The following RBSN variants were observed in gnomAD, a reference collection of about 807,000 sequenced individuals.
RBSN encodes rabenosyn, RAB effector.
Under a neutral mutation model 60.5 loss-of-function variants are expected in RBSN, and 34 were observed. The ratio of observed to expected loss-of-function variants is 0.56; its 90% CI spans 0.43 to 0.75. The LOEUF is 0.75. Among genes scored for constraint, RBSN ranks in the 30% least tolerant of loss-of-function variants. RBSN has a pLI of 0.00. For synonymous variants in RBSN, 322 were observed against 366.9 expected (o/e 0.88, Z 1.40); for missense variants, 845 against 986.8 (o/e 0.86, Z 1.92).
Position 15,086,014 on chromosome 3 carries a change from C to G in RBSN, c.290-53G>C, listed in dbSNP as rs1260869239. The G allele has an allele frequency of 7.6e-6, 11 of 1,452,270 alleles. 1 individual carries two copies. The African/African-American group carries it at 1.7e-4, about 22-fold the overall frequency. 90.0% of individuals were successfully genotyped at this position (1,452,270 alleles called of 1,614,324 possible). A position where few individuals can be genotyped will look rare whatever the true frequency, so the allele number is the denominator to read the frequency against. ...ATGACTTATAGTTTCTCTGAGGGAG[C>G]CTAGTCTCTACCTTGCCTCTTATCC... is the stretch of plus-strand genomic sequence containing the variant. On this transcript the variant is annotated intron_variant, in intron 5 of 13. Coordinates refer to ENST00000253699, the MANE Select transcript of RBSN (RefSeq NM_022340.4).
In RBSN at chr3:15,074,136, C is replaced by T. The variant is rs977022283; in HGVS notation, c.2001G>A (p.Glu667=). Residue 667 remains glutamate, a synonymous_variant, in exon 14 of 14, where the codon GAG becomes GAA. Coordinates refer to ENST00000253699, the MANE Select transcript of RBSN (RefSeq NM_022340.4). This position sits in a 1 kb window ranked among gnomAD's most constrained non-coding sequence, Gnocchi z 6.4. Reference sequence around the variant, plus strand: ...CTGCCACTGCTTCCTCCTCCTCGTCCTCTTCCTCGAAAGGATTGTACTCTT... The same window carrying T: ...CTGCCACTGCTTCCTCCTCCTCGTCTTCTTCCTCGAAAGGATTGTACTCTT... ...ILKEYNPFEE[E]DEEEEAVAGN... 18 of 1,613,982 alleles carry T rather than the reference C, an allele frequency of 1.1e-5. No individual in the cohort carries two copies. The highest frequency in any genetic ancestry group is 1.4e-5 in the Non-Finnish European group (17 of 1,180,010).
intron 9 of RBSN, among the ~76,000 whole-genome samples, chr3:15,081,892 C>G (rs1245131164): frequency 6.6e-6 from 1 of 152,196 alleles, no homozygotes; most frequent in African/African-American, 2.4e-5. Context: ...CAAGTAACGA[C>G]AGCTGAGGCA....
In RBSN at chr3:15,082,498, C is replaced by A; in HGVS notation, c.709G>T (p.Val237Phe). ...TCCTTCTCATCCAGGACCGAGCTGA[C>A]ACTGCTCATGCTGCTGATGCTGCCT... ...RRGSISSMSS[V>F]SSVLDEKDDD... The change falls in exon 9 of 14, where the codon GTC becomes TTC. Residue 237 changes from valine to phenylalanine, a missense_variant. Coordinates refer to ENST00000253699, the MANE Select transcript of RBSN (RefSeq NM_022340.4). The surrounding 1 kb of genome is among the most constrained non-coding windows in gnomAD (Gnocchi z 4.2). 1 of 1,614,202 alleles carries A rather than the reference C, an allele frequency of 6.2e-7. No individual in the cohort carries two copies. Among genetic ancestry groups the A allele is most frequent in the Non-Finnish European group, 8.5e-7 (1 of 1,180,034 alleles).
rs771386584 is a variant in RBSN, at chr3:15,084,971, G to A, written c.436+29C>T. ...TTGGTCAGGGAAAAAAAGATAATAA[G>A]ATGAATGTGAGCAAAGTTTTAAAGT... is the stretch of plus-strand genomic sequence containing the variant. On this transcript the variant is annotated intron_variant, in intron 7 of 13. Coordinates refer to ENST00000253699, the MANE Select transcript of RBSN (RefSeq NM_022340.4). This position sits in a 1 kb window ranked among gnomAD's most constrained non-coding sequence, Gnocchi z 4.2. The A allele has an allele frequency of 4.3e-6, 7 of 1,614,146 alleles. No homozygotes were observed. The South Asian group carries it at 7.7e-5, about 18-fold the overall frequency.
rs1031926036 is a variant in RBSN, at chr3:15,077,321, T to G, written c.999-157A>C. Among the ~76,000 whole-genome samples, 9 of 152,016 alleles carry G rather than the reference T, an allele frequency of 5.9e-5. No individual in the cohort carries two copies. Among genetic ancestry groups the G allele is most frequent in the African/African-American group, 2.2e-4 (9 of 41,410 alleles). ...AAGTTTCTTTGAAGGCAAAGCCCATTTCTTACCCTTTGGCTGTACACAGGC... is the reference window on the plus strand; with the variant it reads ...AAGTTTCTTTGAAGGCAAAGCCCATGTCTTACCCTTTGGCTGTACACAGGC... On this transcript the variant is annotated intron_variant, in intron 11 of 13. Transcript: ENST00000253699. This position sits in a 1 kb window ranked among gnomAD's most constrained non-coding sequence, Gnocchi z 4.4.
At chr3:15,088,212 G>C (rs2043399616) in intron 5 of RBSN, among the ~76,000 whole-genome samples, 1 of 151,532 alleles carries the variant, frequency 6.6e-6, no homozygotes, top group Non-Finnish European at 1.5e-5. Flanking sequence ...TACAATTTGT[G>C]ACTGTCTTCA....
chr3:15,074,381 G>C lies in RBSN; in HGVS notation c.1756C>G (p.Pro586Ala), dbSNP rs1358125865. The C allele has an allele frequency of 1.2e-6, 2 of 1,614,058 alleles. No homozygotes were observed. The highest frequency in any genetic ancestry group is 1.7e-5 in the Admixed American group (1 of 60,004). The change falls in exon 14 of 14, where the codon CCC (proline) becomes GCC (alanine). Residue 586 changes from proline to alanine, a missense_variant. Transcript: ENST00000253699. This position sits in a 1 kb window ranked among gnomAD's most constrained non-coding sequence, Gnocchi z 6.4. The stretch of plus-strand genomic sequence containing the variant: ...GTTGAGCTAAGTGAAGGGGTCTTGG[G>C]AGCTGTGCTGCTTGGAACTGGGGAA... Reference protein sequence around the residue: ...GSSPVPSSTAPKTPSLSSTQP... With the variant: ...GSSPVPSSTAAKTPSLSSTQP...
At chr3:15,090,263 G>C in intron 5 of RBSN, 136 bp downstream of exon 5, 1 of 933,414 alleles carries the variant, frequency 1.1e-6, no homozygotes, top group Non-Finnish European at 1.6e-6. Flanking sequence ...TCTTCCCCCA[G>C]CAAGGGCATA....
In RBSN at chr3:15,070,341, A is replaced by G. The variant is rs1212335300; in HGVS notation, c.*3441T>C. ...GACATATTGAGCTGCAAGTACAATGAGTAAGTATCCTTAGTGTATTAGACA... is the reference window on the plus strand; with the variant it reads ...GACATATTGAGCTGCAAGTACAATGGGTAAGTATCCTTAGTGTATTAGACA... On this transcript the variant is annotated 3_prime_UTR_variant, in exon 14 of 14. Coordinates refer to ENST00000253699, the MANE Select transcript of RBSN (RefSeq NM_022340.4). 6.6e-6 allele frequency: 1 copy of G among 152,666 alleles called. No homozygotes were observed. Among genetic ancestry groups the G allele is most frequent in the Non-Finnish European group, 1.5e-5 (1 of 68,044 alleles). 9.5% of individuals were successfully genotyped at this position (152,666 alleles called of 1,614,324 possible).
chr3:15,091,565 T>C, intron 4 of RBSN: 1 of 1,198,966 alleles, frequency 8.3e-7, no homozygotes, highest in Non-Finnish European at 1.1e-6. Context: ...TTAGCCATCG[T>C]ATGTACCAGG....
Position 15,082,743 on chromosome 3 carries a change from G to C in RBSN, c.599-135C>G, listed in dbSNP as rs2043238315. ...CAGGCTCCAGCTGTGGGCACGTACT[G>C]CCCCTCTGCCTTCCTGGTGTCAGAC... On this transcript the variant is annotated intron_variant, in intron 8 of 13. Coordinates refer to ENST00000253699, the MANE Select transcript of RBSN (RefSeq NM_022340.4). The surrounding 1 kb of genome is among the most constrained non-coding windows in gnomAD (Gnocchi z 4.2). 2 of 1,270,582 alleles carry C rather than the reference G, an allele frequency of 1.6e-6. No homozygotes were observed. The highest frequency in any genetic ancestry group is 4.9e-5 in the Admixed American group (2 of 40,868). 78.7% of individuals were successfully genotyped at this position (1,270,582 alleles called of 1,614,324 possible).
At chr3:15,076,717 A>G (rs1432039728) in intron 12 of RBSN, among the ~76,000 whole-genome samples, 1 of 152,220 alleles carries the variant, frequency 6.6e-6, no homozygotes, top group Non-Finnish European at 1.5e-5. Context: ...ACAGCAGCAA[A>G]AAATTAGTCT....
In RBSN at chr3:15,082,442, G is replaced by A; in HGVS notation, c.765C>T (p.Cys255=). The change falls in exon 9 of 14, where the codon TGC becomes TGT. Residue 255 remains cysteine, a synonymous_variant. Coordinates refer to ENST00000253699, the MANE Select transcript of RBSN (RefSeq NM_022340.4). The surrounding 1 kb of genome is among the most constrained non-coding windows in gnomAD (Gnocchi z 4.2). ...GCTCTCTCTTGAGCAGCGTGTCCTT[G>A]CAGTGTGTACAGCAGCGGATCCGGT... ...DDDRIRCCTH[C]KDTLLKREQQ... 6.2e-7 allele frequency: 1 copy of A among 1,614,164 alleles called. No homozygotes were observed. Among genetic ancestry groups the A allele is most frequent in the Non-Finnish European group, 8.5e-7 (1 of 1,180,024 alleles).
chr3:15,078,933 A>G (rs73039703), intron 10 of RBSN, among the ~76,000 whole-genome samples: 10,452 of 151,054 alleles, frequency 0.069, 472 homozygotes, highest in Non-Finnish European at 0.095. Flanking sequence ...CACAGGTTTA[A>G]GACAAAGACA....
At chr3:15,094,848 T>C (rs1575109781) in intron 4 of RBSN, among the ~76,000 whole-genome samples, 2 of 152,342 alleles carry the variant, frequency 1.3e-5, no homozygotes, top group South Asian at 4.1e-4. Context: ...AAAGCTGAAG[T>C]CCACTTAGAA....
chr3:15,094,615 C>T (rs147621294), intron 4 of RBSN, among the ~76,000 whole-genome samples: 2 of 152,012 alleles, frequency 1.3e-5, no homozygotes, highest in African/African-American at 4.8e-5. Flanking sequence ...CATTTTTTTC[C>T]CTCCTAATAG....
chr3:15,082,668 C>G lies in RBSN; in HGVS notation c.599-60G>C. The G allele has an allele frequency of 6.3e-7, 1 of 1,580,496 alleles. No homozygotes were observed. The highest frequency in any genetic ancestry group is 8.6e-7 in the Non-Finnish European group (1 of 1,160,988). ...CCACAGCATCCAATTACCATACCCA[C>G]GACCTCAAGGTGTCAGTCCACAGGT... On this transcript the variant is annotated intron_variant, in intron 8 of 13. Coordinates refer to ENST00000253699, the MANE Select transcript of RBSN (RefSeq NM_022340.4). The surrounding 1 kb of genome is among the most constrained non-coding windows in gnomAD (Gnocchi z 4.2).
At chr3:15,095,705 A>G (rs1006831472) in intron 4 of RBSN, 1 of 554,920 alleles carries the variant, frequency 1.8e-6, no homozygotes, top group Non-Finnish European at 3.2e-6. Flanking sequence ...TCAAAGTCAG[A>G]TTGTTTCTCT....
intron 5 of RBSN, 37 bp from the exon 6 acceptor site, chr3:15,085,998 A>G (rs2043329389): frequency 4.0e-6 from 6 of 1,491,802 alleles, no homozygotes; most frequent in Middle Eastern, 3.6e-4. Context: ...AATGACTTAT[A>G]GTTTCTCTGA....
Sources: gnomAD v4.1 joint callset for allele counts (sites outside exome capture counted in the v4.1 genomes callset) on GRCh38, gnomAD v4.1.1 for gene constraint, Gnocchi (gnomAD v3.1) non-coding constraint, MANE v1.5 for transcripts, NCBI Gene and HGNC (gene_info 2026-07-23, HGNC 2026-07-21) for gene names.